The following KANSL2 variants were observed in gnomAD, a reference collection of about 807,000 sequenced individuals.
KANSL2 encodes the protein NSL complex protein NSL2.
A neutral mutation model predicts 55.6 loss-of-function variants in KANSL2; 34 were observed. The ratio of observed to expected loss-of-function variants is 0.61; its 90% CI spans 0.46 to 0.81. The LOEUF (loss-of-function observed/expected upper bound fraction) is 0.81. Among genes scored for constraint, KANSL2 ranks in the 40% least tolerant of loss-of-function variants. The probability of loss-of-function intolerance (pLI) is 0.00; values close to 1 mark genes in which losing one functional copy is unlikely to be tolerated. For synonymous variants in KANSL2, 209 were observed against 214.3 expected (o/e 0.98, Z 0.22); for missense variants, 502 against 609.9 (o/e 0.82, Z 1.86).
intron 4 of KANSL2, among the ~76,000 whole-genome samples, chr12:48,673,325 C>A (rs1939761644): frequency 6.6e-6 from 1 of 151,918 alleles, no homozygotes; most frequent in Non-Finnish European, 1.5e-5. Context: ...CTTGGGAGGC[C>A]AAGGCAGGCG....
chr12:48,672,812 G>A (rs2137197372), intron 4 of KANSL2, among the ~76,000 whole-genome samples: 1 of 152,004 alleles, frequency 6.6e-6, no homozygotes, highest in Non-Finnish European at 1.5e-5. Flanking sequence ...AGGCTGGAGT[G>A]CAGTGGCACA....
chr12:48,668,823 C>T (rs1300052421), intron 6 of KANSL2, among the ~76,000 whole-genome samples: 2 of 152,058 alleles, frequency 1.3e-5, no homozygotes, highest in Admixed American at 6.6e-5. Context: ...GGGTAGATCA[C>T]GAGGTCAGGC....
rs564687033 is a variant in KANSL2, at chr12:48,669,325, G to A, written c.710-53C>T. The A allele has an allele frequency of 5.9e-4, 816 of 1,383,964 alleles. 3 individuals carry two copies. Among genetic ancestry groups the A allele is most frequent in the East Asian group, 2.0e-3 (78 of 38,930 alleles). 85.7% of individuals were successfully genotyped at this position (1,383,964 alleles called of 1,614,324 possible). A position where few individuals can be genotyped will look rare whatever the true frequency, so the allele number is the denominator to read the frequency against. On this transcript the variant is annotated intron_variant, in intron 5 of 9. Transcript: ENST00000420613. ...TTGCCAAGCAATCCATCAAGGTTAC[G>A]TCTCCAAGTCAACAAGTAAACAGGA...
intron 8 of KANSL2, among the ~76,000 whole-genome samples, chr12:48,659,728 C>T (rs1939454330): frequency 6.6e-6 from 1 of 152,018 alleles, no homozygotes; most frequent in Admixed American, 6.6e-5. Flanking sequence ...CCTTAATAGC[C>T]AGAAAGTAGA....
intron 4 of KANSL2, among the ~76,000 whole-genome samples, chr12:48,672,436 T>A (rs988816625): frequency 7.0e-6 from 1 of 143,304 alleles, no homozygotes; most frequent in African/African-American, 2.6e-5. Flanking sequence ...TATATATATT[T>A]TTTTTTTGAG....
At position 48,660,625 on chromosome 12, in the gene KANSL2, GA is replaced by G; in HGVS notation, c.974-7del. 1 of 1,608,324 alleles carries G rather than the reference GA, an allele frequency of 6.2e-7. No individual in the cohort carries two copies. The highest frequency in any genetic ancestry group is 8.5e-7 in the Non-Finnish European group (1 of 1,176,602). On this transcript the variant is annotated splice_region_variant and splice_polypyrimidine_tract_variant and intron_variant, in intron 7 of 9. Transcript: ENST00000420613. ...ATTCGTATCCTGACAAATATCTGTA[GA>G]AAAATGGTCAAGGGAAATAAAACAC...
rs1216962850 is a variant in KANSL2 at position 48,669,486 on chromosome 12, T to C, written c.710-214A>G. Among the ~76,000 whole-genome samples the C allele has an allele frequency of 2.0e-5, 3 of 152,064 alleles. 1 individual carries two copies. Among genetic ancestry groups the C allele is most frequent in the South Asian group, 4.1e-4 (2 of 4,820 alleles). ...CAATCATTGACCATACATACTATGG[T>C]GGTCCCATAAGATTATAACAAAGCT... is the stretch of plus-strand genomic sequence containing the variant. On this transcript the variant is annotated intron_variant, in intron 5 of 9. Coordinates refer to ENST00000420613, the MANE Select transcript of KANSL2 (RefSeq NM_017822.4).
intron 4 of KANSL2, among the ~76,000 whole-genome samples, chr12:48,678,354 G>C (rs139715116): frequency 6.6e-6 from 1 of 152,100 alleles, no homozygotes; most frequent in African/African-American, 2.4e-5. Flanking sequence ...AGCTTACTAA[G>C]ATATAAACCT....
chr12:48,681,669 G>T (rs148757092), intron 1 of KANSL2, 28 bp from the exon 2 acceptor site: 1 of 1,613,638 alleles, frequency 6.2e-7, no homozygotes, highest in East Asian at 2.2e-5. Flanking sequence ...AGACCAAAAA[G>T]CCCTTACCCT....
chr12:48,679,772 T>TGAAGTG lies in KANSL2; in HGVS notation c.312_313insCACTTC (p.Lys104_Lys105insHisPhe). On this transcript the variant is annotated inframe_insertion, in exon 3 of 10. Transcript: ENST00000420613. The stretch of plus-strand genomic sequence containing the variant: ...TCACCCACAGGCCCTGGGTTGGTCT[T>TGAAGTG]CTTCATTTGAGCATGAAGTGCCAGG... The TGAAGTG allele has an allele frequency of 1.2e-6, 2 of 1,609,604 alleles. No individual in the cohort carries two copies. The highest frequency in any genetic ancestry group is 2.2e-5 in the South Asian group (2 of 90,048).
At chr12:48,681,275 A>T (rs1000091379) in intron 2 of KANSL2, 107 bp downstream of exon 2, 1 of 1,362,188 alleles carries the variant, frequency 7.3e-7, no homozygotes, top group African/African-American at 1.5e-5. Context: ...CATAACCCCA[A>T]ATTTACAAGG....
chr12:48,665,189 AG>A (rs1165687927), intron 7 of KANSL2, among the ~76,000 whole-genome samples: 1 of 152,226 alleles, frequency 6.6e-6, no homozygotes, highest in Non-Finnish European at 1.5e-5. Context: ...TTAATAAATT[AG>A]TAAAATATTT....
chr12:48,677,820 A>G (rs1939852261), intron 4 of KANSL2, among the ~76,000 whole-genome samples: 1 of 149,210 alleles, frequency 6.7e-6, no homozygotes, highest in Non-Finnish European at 1.5e-5. Context: ...AGGAATGAAT[A>G]TGTTGGTTTA....
At chr12:48,682,071 G>C (rs925362671) in intron 1 of KANSL2, 116 bp downstream of exon 1, 1 of 703,042 alleles carries the variant, frequency 1.4e-6, no homozygotes. Flanking sequence ...GAAGCCTGCA[G>C]GAAGGAGACT....
Position 48,678,075 on chromosome 12 carries a change from T to C in KANSL2, c.545+961A>G, listed in dbSNP as rs920509127. Among the ~76,000 whole-genome samples the C allele has an allele frequency of 2.0e-5, 3 of 152,318 alleles. No individual in the cohort carries two copies. The South Asian group carries it at 6.2e-4, about 32-fold the overall frequency. On this transcript the variant is annotated intron_variant, in intron 4 of 9. Coordinates refer to ENST00000420613, the MANE Select transcript of KANSL2 (RefSeq NM_017822.4). The stretch of plus-strand genomic sequence containing the variant: ...AGGAGAAAATGTAACCCTAAATGAC[T>C]TCTTATAAACCAAAGAATCCAAAGT...
intron 8 of KANSL2, among the ~76,000 whole-genome samples, chr12:48,658,023 G>A (rs1939421040): frequency 6.6e-6 from 1 of 152,108 alleles, no homozygotes; most frequent in Non-Finnish European, 1.5e-5. Context: ...TTGAGGCCAG[G>A]AGCTTGAGAC....
chr12:48,670,489 T>C (rs1339972568), intron 5 of KANSL2, among the ~76,000 whole-genome samples: 2 of 152,184 alleles, frequency 1.3e-5, no homozygotes, highest in South Asian at 2.1e-4. Flanking sequence ...TAGGCCCATG[T>C]AGGCCTAGGC....
At chr12:48,674,878 A>AT (rs1382986426) in intron 4 of KANSL2, among the ~76,000 whole-genome samples, 1 of 152,044 alleles carries the variant, frequency 6.6e-6, no homozygotes, top group Non-Finnish European at 1.5e-5. Flanking sequence ...GTGAGCCGAG[A>AT]TCGCACCACC....
intron 5 of KANSL2, among the ~76,000 whole-genome samples, chr12:48,671,094 C>G (rs553090590): frequency 1.3e-5 from 2 of 151,944 alleles, no homozygotes; most frequent in East Asian, 1.9e-4. Flanking sequence ...GCAAAACCCC[C>G]CCTCTACTAA....
Sources: allele counts gnomAD v4.1 joint callset (sites outside exome capture counted in the v4.1 genomes callset), GRCh38; gene constraint gnomAD v4.1.1; transcripts MANE v1.5; gene names NCBI Gene and HGNC (gene_info 2026-07-23, HGNC 2026-07-21).